Variants in MYO1D observed in about 807,000 individuals in gnomAD.
MYO1D encodes myosin ID, also known as unconventional myosin-Id.
A neutral mutation model predicts 122.0 loss-of-function variants in MYO1D; 83 were observed. That is an observed-to-expected ratio of 0.68 (90% CI 0.57 to 0.82). The LOEUF (loss-of-function observed/expected upper bound fraction) is 0.82. MYO1D is among the 40% of genes least tolerant of loss of function. The pLI, the probability that MYO1D is intolerant of heterozygous loss-of-function variation, is 0.00. For synonymous variants in MYO1D, 464 were observed against 446.9 expected, an observed-to-expected ratio of 1.04 and a Z score of -0.48; for missense variants, 1,157 against 1,269.5, an observed-to-expected ratio of 0.91 and a Z score of 1.35.
intron 14 of MYO1D, among the ~76,000 whole-genome samples, chr17:32,733,475 C>A (rs763385623): frequency 6.6e-6 from 1 of 152,148 alleles, no homozygotes; most frequent in Non-Finnish European, 1.5e-5. Flanking sequence ...GAGATTCACA[C>A]CCCCTCCACC....
intron 15 of MYO1D, among the ~76,000 whole-genome samples, chr17:32,717,787 T>C (rs1314732278): frequency 6.6e-6 from 1 of 152,256 alleles, no homozygotes; most frequent in Non-Finnish European, 1.5e-5. Context: ...ATAATTATTT[T>C]TCTTTAACAT....
rs527429435 is a variant in MYO1D at position 32,642,973 on chromosome 17, G to A, written c.2596-4138C>T. Among the ~76,000 whole-genome samples, 15 of 152,310 alleles carry A rather than the reference G, an allele frequency of 9.8e-5. No homozygotes were observed. The East Asian group carries it at 2.7e-3, about 27-fold the overall frequency. On this transcript the variant is annotated intron_variant, in intron 19 of 21. Transcript: ENST00000318217. ...CTTCCAACACTGTTGAATAGGAGTG[G>A]TGAGAGAGGGCATCCCTGTCTTGTG...
chr17:32,623,350 CCAATAA>C (rs1488190337), intron 20 of MYO1D, among the ~76,000 whole-genome samples: 2 of 152,142 alleles, frequency 1.3e-5, no homozygotes, highest in African/African-American at 4.8e-5. Context: ...TGGACCTCAG[CCAATAA>C]CAAAGAAACA....
intron 1 of MYO1D, among the ~76,000 whole-genome samples, chr17:32,785,313 AATTCTCTGTGAATGGTCTACTAGG>A (rs1460456982): frequency 1.3e-5 from 2 of 152,314 alleles, no homozygotes; most frequent in East Asian, 3.9e-4. Context: ...TCAGGAAGAA[AATTCTCTGTGAATGGTCTACTAGG>A]TATGGTATTA....
intron 6 of MYO1D, among the ~76,000 whole-genome samples, chr17:32,768,282 T>C (rs2090080202): frequency 6.6e-6 from 1 of 152,228 alleles, no homozygotes; most frequent in African/African-American, 2.4e-5. Context: ...AGCTATTAAA[T>C]AGTCTGGGAC....
chr17:32,835,801 C>T (rs926022706), intron 1 of MYO1D, among the ~76,000 whole-genome samples: 15 of 152,106 alleles, frequency 9.9e-5, no homozygotes, highest in East Asian at 3.9e-4. Context: ...CCCTTTAGAA[C>T]GGTGGCACCT....
At chr17:32,512,731 C>G (rs2052184686) in intron 21 of MYO1D, 1 of 152,284 alleles carries the variant, frequency 6.6e-6, no homozygotes, top group Non-Finnish European at 1.5e-5. Flanking sequence ...GAAGGTGACT[C>G]ACCTGCTCAG....
chr17:32,644,764 T>G (rs1049081795), intron 19 of MYO1D, among the ~76,000 whole-genome samples: 1 of 152,182 alleles, frequency 6.6e-6, no homozygotes, highest in Non-Finnish European at 1.5e-5. Context: ...TTCTATTAGA[T>G]TGGTAGATCT....
intron 1 of MYO1D, among the ~76,000 whole-genome samples, chr17:32,818,949 G>T (rs966087011): frequency 9.2e-5 from 14 of 152,176 alleles, no homozygotes; most frequent in Admixed American, 7.9e-4. Flanking sequence ...TTCTACTAGA[G>T]AGATAGGTTG....
In MYO1D at chr17:32,808,532, T is replaced by C. The variant is rs934730381; in HGVS notation, c.96-27748A>G. On this transcript the variant is annotated intron_variant, in intron 1 of 21. Transcript: ENST00000318217. ...TATAACCAATGCTATCGATTTCTAATGTATTCTGAGCACTATGAATGGAAT... is the reference window on the plus strand; with the variant it reads ...TATAACCAATGCTATCGATTTCTAACGTATTCTGAGCACTATGAATGGAAT... 1.1e-4 allele frequency among the ~76,000 whole-genome samples: 17 copies of C among 152,336 alleles called. No homozygotes were observed. The South Asian group carries it at 3.5e-3, about 32-fold the overall frequency.
rs567364919 is a variant in MYO1D, at chr17:32,843,285, G to T, written c.95+33493C>A. Among the ~76,000 whole-genome samples the T allele has an allele frequency of 4.6e-5, 7 of 152,208 alleles. No homozygotes were observed. The East Asian group carries it at 1.4e-3, about 29-fold the overall frequency. ...TAGCTGGAGCCTAAGAAAGACTATT[G>T]ACTTAAAGTACACAGCCAGCCAAAC... is the stretch of plus-strand genomic sequence containing the variant. On this transcript the variant is annotated intron_variant, in intron 1 of 21. Transcript: ENST00000318217.
intron 21 of MYO1D, among the ~76,000 whole-genome samples, chr17:32,553,089 A>C (rs1597893301): frequency 1.5e-5 from 2 of 133,950 alleles, no homozygotes; most frequent in African/African-American, 6.7e-5. Context: ...AAAAAAAAAA[A>C]ACAAAAAACA....
chr17:32,633,196 A>G (rs1438765932), intron 20 of MYO1D, among the ~76,000 whole-genome samples: 2 of 151,422 alleles, frequency 1.3e-5, no homozygotes, highest in African/African-American at 4.9e-5. Flanking sequence ...TAAGCCCCCA[A>G]CTAAAAAGGC....
intron 14 of MYO1D, among the ~76,000 whole-genome samples, chr17:32,721,589 T>C (rs2089511298): frequency 6.6e-6 from 1 of 152,248 alleles, no homozygotes; most frequent in Non-Finnish European, 1.5e-5. Context: ...TCTTTGTTAA[T>C]GTTAATATTA....
At chr17:32,727,953 G>A (rs560028567) in intron 14 of MYO1D, among the ~76,000 whole-genome samples, 1 of 152,256 alleles carries the variant, frequency 6.6e-6, no homozygotes, top group African/African-American at 2.4e-5. Flanking sequence ...TGGAAATAGA[G>A]ATGTTTCATA....
At chr17:32,586,606 A>G (rs1469646140) in intron 21 of MYO1D, among the ~76,000 whole-genome samples, 5 of 152,160 alleles carry the variant, frequency 3.3e-5, no homozygotes, top group Non-Finnish European at 7.4e-5. Flanking sequence ...AGTTTTACCC[A>G]ATTTCTTCTC....
intron 16 of MYO1D, among the ~76,000 whole-genome samples, chr17:32,682,324 T>C (rs1284933771): frequency 6.6e-6 from 1 of 151,358 alleles, no homozygotes; most frequent in Non-Finnish European, 1.5e-5. Flanking sequence ...TGCTCGTTAG[T>C]TGATGCAGTT....
At chr17:32,617,851 T>C (rs534274654) in intron 20 of MYO1D, among the ~76,000 whole-genome samples, 2 of 152,358 alleles carry the variant, frequency 1.3e-5, no homozygotes, top group Admixed American at 6.5e-5. Context: ...TAAGAATTAA[T>C]TCCTTTATAA....
rs147728642 is a variant in MYO1D, at chr17:32,805,495, T to C, written c.96-24711A>G. Among the ~76,000 whole-genome samples the C allele has an allele frequency of 1.1e-3, 163 of 152,196 alleles. 2 individuals carry two copies. The highest frequency in any genetic ancestry group is 2.6e-3 in the Admixed American group (40 of 15,280). The stretch of plus-strand genomic sequence containing the variant: ...TCAGAGAAATGAAGACCAAAAGAGA[T>C]TGTACTAGCTGTTACTTGGAGGTGT... On this transcript the variant is annotated intron_variant, in intron 1 of 21. Coordinates refer to ENST00000318217, the MANE Select transcript of MYO1D (RefSeq NM_015194.3).
Sources: gnomAD v4.1 joint callset for allele counts (sites outside exome capture counted in the v4.1 genomes callset) on GRCh38, gnomAD v4.1.1 for gene constraint, MANE v1.5 for transcripts, NCBI Gene and HGNC (gene_info 2026-07-23, HGNC 2026-07-21) for gene names.